FSIP2: variants seen among roughly 807,000 people sequenced by gnomAD.
The protein encoded by FSIP2 is fibrous sheath-interacting protein 2.
FSIP2 carries 367 observed loss-of-function variants against 510.5 expected under a neutral mutation model. That is an observed-to-expected ratio of 0.72 (90% CI 0.66 to 0.78). FSIP2 has a LOEUF of 0.78. Among genes scored for constraint, FSIP2 ranks in the 30% least tolerant of loss-of-function variants. The probability of loss-of-function intolerance (pLI) is 0.00; values close to 1 mark genes in which losing one functional copy is unlikely to be tolerated. For missense variants in FSIP2, 7,594 were observed against 7,901.7 expected (o/e 0.96, Z 1.48); for synonymous variants, 2,601 against 2,732.2 (o/e 0.95, Z 1.50).
At chr2:185,828,126 A>C (rs1005439077) in intron 20 of FSIP2, 30 bp from the exon 21 acceptor site, 2 of 1,298,984 alleles carry the variant, frequency 1.5e-6, no homozygotes, top group Non-Finnish European at 2.2e-6. Flanking sequence ...GAAAGAGACT[A>C]TTTTACTTTT....
intron 13 of FSIP2, among the ~76,000 whole-genome samples, chr2:185,769,144 T>C (rs1692556689): frequency 6.6e-6 from 1 of 152,194 alleles, no homozygotes; most frequent in African/African-American, 2.4e-5. Flanking sequence ...CCTTTGGGTA[T>C]ATAGCCAGTA....
chr2:185,805,912 G>A lies in FSIP2; in HGVS notation c.16606G>A (p.Val5536Ile). 1 of 1,598,044 alleles carries A rather than the reference G, an allele frequency of 6.3e-7. No individual in the cohort carries two copies. The highest frequency in any genetic ancestry group is 8.5e-7 in the Non-Finnish European group (1 of 1,175,084). Residue 5536 changes from valine to isoleucine, a missense_variant, in exon 17 of 23, where the codon GTA becomes ATA. Coordinates refer to ENST00000424728, the MANE Select transcript of FSIP2 (RefSeq NM_173651.4). Reference sequence around the variant, plus strand: ...TTGTACTCAAAAACATAGTGAGAATGTATCAAAAGTTACTTCAACTACCAC... The same window carrying A: ...TTGTACTCAAAAACATAGTGAGAATATATCAAAAGTTACTTCAACTACCAC... ...GICTQKHSENVSKVTSTTTVK... is the reference protein window; with the variant it reads ...GICTQKHSENISKVTSTTTVK...
At chr2:185,768,292 T>A (rs2105570596) in intron 13 of FSIP2, among the ~76,000 whole-genome samples, 1 of 152,304 alleles carries the variant, frequency 6.6e-6, no homozygotes, top group African/African-American at 2.4e-5. Context: ...TTTCTATTTT[T>A]GCTTTTATTG....
Position 185,795,281 on chromosome 2 carries a change from C to T in FSIP2, c.8145C>T (p.His2715=). The T allele has an allele frequency of 6.5e-7, 1 of 1,535,124 alleles. No individual in the cohort carries two copies. The highest frequency in any genetic ancestry group is 1.4e-5 in the African/African-American group (1 of 73,052). Residue 2715 remains histidine, a synonymous_variant, in exon 16 of 23, where the codon CAC becomes CAT. Transcript: ENST00000424728. ...CCAAGACTGCCATTGGGTTGTCACA[C>T]ATCATGTCAGCTGGAGATGCCAAAA... The part of the protein sequence containing the change: ...SRSKTAIGLS[H]IMSAGDAKNL...
Position 185,799,364 on chromosome 2 carries a change from T to C in FSIP2, c.10391-333T>C, listed in dbSNP as rs554567333. 2.0e-5 allele frequency among the ~76,000 whole-genome samples: 3 copies of C among 151,940 alleles called. 1 individual carries two copies. The highest frequency in any genetic ancestry group is 2.1e-4 in the South Asian group (1 of 4,830). ...CCTCTAGGTATCACTGGAGACATGG[T>C]AGGATGCATCGCTAAGCCTGGAAAT... On this transcript the variant is annotated intron_variant, in intron 16 of 22. Transcript: ENST00000424728.
chr2:185,809,071 A>G lies in FSIP2; in HGVS notation c.19765A>G (p.Arg6589Gly). Residue 6589 changes from arginine (R) to glycine (G), a missense_variant, in exon 17 of 23, where the codon AGA becomes GGA. Coordinates refer to ENST00000424728, the MANE Select transcript of FSIP2 (RefSeq NM_173651.4). ...CTTAGGATCACCTGATTTAGAAAAG[A>G]GAAAGACAGAAAGACGTACCTCATT... ...YSLGSPDLEK[R>G]KTERRTSLDK... 1 of 1,602,104 alleles carries G rather than the reference A, an allele frequency of 6.2e-7. No homozygotes were observed. The highest frequency in any genetic ancestry group is 8.5e-7 in the Non-Finnish European group (1 of 1,176,428).
intron 19 of FSIP2, among the ~76,000 whole-genome samples, chr2:185,822,656 A>G (rs1406864900): frequency 6.6e-6 from 1 of 151,946 alleles, no homozygotes; most frequent in African/African-American, 2.4e-5. Flanking sequence ...CATAGAATCA[A>G]TGGAATCCTT....
In FSIP2 at chr2:185,831,769, T is replaced by A; in HGVS notation, c.20518-44T>A. 4.0e-6 allele frequency: 5 copies of A among 1,238,540 alleles called. No individual in the cohort carries two copies. The South Asian group carries it at 6.0e-5, about 15-fold the overall frequency. The allele number at this position is 1,238,540 out of a possible 1,614,324, so 76.7% of individuals were successfully genotyped here. On this transcript the variant is annotated intron_variant, in intron 21 of 22. Coordinates refer to ENST00000424728, the MANE Select transcript of FSIP2 (RefSeq NM_173651.4). ...GACTTATGGGTATATCTAGTGTTTG[T>A]GTCCAGTGAAAGACTCAGTTTGTAT...
chr2:185,819,966 A>ATAAACAGCTGTTTACTATAAAGAGAG (rs1448903153), intron 19 of FSIP2, among the ~76,000 whole-genome samples: 4 of 152,010 alleles, frequency 2.6e-5, no homozygotes, highest in African/African-American at 9.7e-5. Flanking sequence ...TGAAGAGGAA[A>ATAAACAGCTGTTTACTATAAAGAGAG]TAAACAGCTC....
rs1173458240 is a variant in FSIP2, at chr2:185,792,035, A to G, written c.4899A>G (p.Ala1633=). 1.3e-6 allele frequency: 2 copies of G among 1,533,980 alleles called. No individual in the cohort carries two copies. The highest frequency in any genetic ancestry group is 2.7e-5 in the African/African-American group (2 of 72,884). The change falls in exon 16 of 23, where the codon GCA becomes GCG. Residue 1633 remains alanine, a synonymous_variant. Transcript: ENST00000424728. ...ATATTTCCAGAGACACACATGAAGC[A>G]TCATTTCTGTCTGCTTTATATATGC... ...STNISRDTHE[A]SFLSALYMHA...
At chr2:185,738,151 T>C (rs1467887503), upstream of FSIP2, 3 of 170,842 alleles carry the variant, frequency 1.8e-5, no homozygotes, top group Non-Finnish European at 3.8e-5. Context: ...CCAGTCTAGT[T>C]AGCTTCTTAC....
rs1335545028 is a variant in FSIP2, at chr2:185,790,546, C to G, written c.3410C>G (p.Ala1137Gly). Residue 1137 changes from alanine (A) to glycine (G), a missense_variant, in exon 16 of 23, where the codon GCT becomes GGT. Physicochemically the swap from Ala to Gly is moderately conservative, Grantham distance 60 (BLOSUM62 0). Transcript: ENST00000424728. ...TTAGACAGCAAAACTGGCAGTGAAG[C>G]TTCAGTTCTTGTTTCAGAAAAGCCT... Reference protein sequence around the residue: ...GHLDSKTGSEASVLVSEKPQG... With the variant: ...GHLDSKTGSEGSVLVSEKPQG... 8 of 1,533,930 alleles carry G rather than the reference C, an allele frequency of 5.2e-6. No individual in the cohort carries two copies.
intron 9 of FSIP2, among the ~76,000 whole-genome samples, chr2:185,756,956 G>A (rs375190549): frequency 2.6e-5 from 4 of 151,340 alleles, no homozygotes; most frequent in African/African-American, 9.7e-5. Context: ...TCAAGAGTCT[G>A]AAATGTTGGA....
At chr2:185,823,789 C>G (rs1323676757) in intron 19 of FSIP2, among the ~76,000 whole-genome samples, 2 of 151,638 alleles carry the variant, frequency 1.3e-5, no homozygotes, top group Non-Finnish European at 3.0e-5. Flanking sequence ...TATTTGTACA[C>G]CATTATTCAC....
rs368304567 is a variant in FSIP2, at chr2:185,808,188, G to A, written c.18882G>A (p.Ser6294=). 95 of 1,611,610 alleles carry A rather than the reference G, an allele frequency of 5.9e-5. 1 individual carries two copies. In the African/African-American group the frequency reaches 8.0e-4, roughly 14 times the overall value. ...TIGFLMVNAI[S]NSEFQPQVEE... ...GCTTTTTAATGGTGAATGCAATTTC[G>A]AATTCTGAATTTCAACCTCAAGTAG... The change falls in exon 17 of 23, where the codon TCG becomes TCA. Residue 6294 remains serine (S), a synonymous_variant. Transcript: ENST00000424728.
In FSIP2 at chr2:185,789,610, A is replaced by C; in HGVS notation, c.2474A>C (p.His825Pro). 1 of 1,534,832 alleles carries C rather than the reference A, an allele frequency of 6.5e-7. No individual in the cohort carries two copies. The highest frequency in any genetic ancestry group is 8.7e-7 in the Non-Finnish European group (1 of 1,145,874). The change falls in exon 16 of 23, where the codon CAT (histidine) becomes CCT (proline). Residue 825 changes from histidine (H) to proline (P), a missense_variant. By Grantham distance (77) the His-to-Pro change is moderately conservative. Transcript: ENST00000424728. ...TGTGATATTGCAGAGGACATGGTGC[A>C]TGCCATTTTAGAAAAGCTAATGACT... ...PMCDIAEDMV[H>P]AILEKLMTLV...
intron 13 of FSIP2, among the ~76,000 whole-genome samples, chr2:185,767,600 G>C (rs896337920): frequency 2.6e-5 from 4 of 151,998 alleles, no homozygotes; most frequent in African/African-American, 9.7e-5. Flanking sequence ...CTTTGATGTT[G>C]TCACAAATGG....
Position 185,831,888 on chromosome 2 carries a change from A to T in FSIP2, c.20587+6A>T, listed in dbSNP as rs920546283. 8 of 1,552,728 alleles carry T rather than the reference A, an allele frequency of 5.2e-6. No homozygotes were observed. The highest frequency in any genetic ancestry group is 6.2e-6 in the Non-Finnish European group (7 of 1,125,258). On this transcript the variant is annotated splice_donor_region_variant and intron_variant, in intron 22 of 22. Coordinates refer to ENST00000424728, the MANE Select transcript of FSIP2 (RefSeq NM_173651.4). ...CTCAAAGGAAGTCATTTCAGGTACA[A>T]AATGTACTATTTTAACAACTGGTGT...
intron 15 of FSIP2, among the ~76,000 whole-genome samples, chr2:185,787,172 G>T (rs1335875139): frequency 2.6e-5 from 4 of 151,664 alleles, no homozygotes; most frequent in Non-Finnish European, 5.9e-5. Flanking sequence ...TAAACATTTA[G>T]GTATGATTCT....
Sources: gnomAD v4.1 joint callset for allele counts (sites outside exome capture counted in the v4.1 genomes callset) on GRCh38, gnomAD v4.1.1 for gene constraint, MANE v1.5 for transcripts, NCBI Gene and HGNC (gene_info 2026-07-23, HGNC 2026-07-21) for gene names.